The following PRRC2B variants were observed in gnomAD, a reference collection of about 807,000 sequenced individuals.
The protein encoded by PRRC2B is protein PRRC2B.
A neutral mutation model predicts 242.3 loss-of-function variants in PRRC2B; 68 were observed. The observed-to-expected ratio is 0.28, with a 90% CI of 0.23 to 0.34. The LOEUF (loss-of-function observed/expected upper bound fraction) is 0.34. Among genes scored for constraint, PRRC2B ranks in the 10% least tolerant of loss-of-function variants. PRRC2B has a pLI of 1.00. For missense variants in PRRC2B, 2,835 were observed against 2,954.8 expected (o/e 0.96, Z 0.94); for synonymous variants, 1,228 against 1,173.6 (o/e 1.05, Z -0.95).
intron 1 of PRRC2B, among the ~76,000 whole-genome samples, chr9:131,418,485 G>A (rs2131305862): frequency 6.6e-6 from 1 of 152,328 alleles, no homozygotes; most frequent in African/African-American, 2.4e-5. Flanking sequence ...GAGTCTCTGT[G>A]AGGACATAGG....
At chr9:131,405,799 G>A (rs905272226) in intron 1 of PRRC2B, among the ~76,000 whole-genome samples, 2 of 152,168 alleles carry the variant, frequency 1.3e-5, no homozygotes, top group African/African-American at 4.8e-5. Flanking sequence ...TCCTGGTGGA[G>A]AGTAGCTCTC....
At chr9:131,463,111 A>G (rs1943290949) in intron 11 of PRRC2B, among the ~76,000 whole-genome samples, 1 of 152,194 alleles carries the variant, frequency 6.6e-6, no homozygotes, top group Non-Finnish European at 1.5e-5. Flanking sequence ...ATCAATACAC[A>G]GCCGTTAGAA....
rs1417144270 is a variant in PRRC2B at position 131,487,018 on chromosome 9, GC to G, written c.5857-148del. On this transcript the variant is annotated intron_variant, in intron 26 of 31. Coordinates refer to ENST00000683519, the MANE Select transcript of PRRC2B (RefSeq NM_013318.4). This position sits in a 1 kb window ranked among gnomAD's most constrained non-coding sequence, Gnocchi z 5.3. ...TTTCATTATAGGCTTTATCCCAATA[GC>G]AAGGGAAGCCCAGGAATGACATGCT... The G allele has an allele frequency of 2.5e-5, 17 of 686,440 alleles. 1 individual carries two copies. The Admixed American group carries it at 3.1e-4, about 13-fold the overall frequency. The allele number at this position is 686,440 out of a possible 1,614,324, so 42.5% of individuals were successfully genotyped here.
At position 131,497,745 on chromosome 9, in the gene PRRC2B, T is replaced by G. The variant is rs1944369983; in HGVS notation, c.*1871T>G. ...CTGCATCTTTCAGCAGCTCCCCTCCTGCCCTCACCTGGTCTTTTCCCTCTT... is the reference window on the plus strand; with the variant it reads ...CTGCATCTTTCAGCAGCTCCCCTCCGGCCCTCACCTGGTCTTTTCCCTCTT... On this transcript the variant is annotated 3_prime_UTR_variant, in exon 32 of 32. Transcript: ENST00000683519. 1 of 152,322 alleles carries G rather than the reference T, an allele frequency of 6.6e-6. No individual in the cohort carries two copies. The highest frequency in any genetic ancestry group is 2.1e-4 in the South Asian group (1 of 4,830). 9.4% of individuals were successfully genotyped at this position (152,322 alleles called of 1,614,324 possible).
At chr9:131,466,656 GCT>G (rs1055952858) in intron 12 of PRRC2B, among the ~76,000 whole-genome samples, 1 of 150,244 alleles carries the variant, frequency 6.7e-6, no homozygotes, top group Non-Finnish European at 1.5e-5. Context: ...ATGGAGTCTT[GCT>G]CTGTCACCTA....
At position 131,495,846 on chromosome 9, in the gene PRRC2B, C is replaced by T; in HGVS notation, c.6662C>T (p.Ala2221Val). ...CGAACCGGAGCGATCAAGCCTCGGG[C>T]TGTCAAAGTGGAGGAGAGTAAGGCC... ...MKRTGAIKPRAVKVEESKA is the reference protein window; with the variant it reads ...MKRTGAIKPRVVKVEESKA The change falls in exon 32 of 32, where the codon GCT becomes GTT. Residue 2221 changes from alanine to valine, a missense_variant. Around this residue, in one of 7 missense-constraint regions of PRRC2B, gnomAD observed 574 missense variants for 626.0 expected, o/e 0.92. Transcript: ENST00000683519. 2.5e-6 allele frequency: 4 copies of T among 1,610,446 alleles called. No homozygotes were observed. The highest frequency in any genetic ancestry group is 1.1e-5 in the South Asian group (1 of 91,016).
At chr9:131,414,299 T>G (rs528823209) in intron 1 of PRRC2B, among the ~76,000 whole-genome samples, 1 of 148,226 alleles carries the variant, frequency 6.7e-6, no homozygotes, top group South Asian at 2.2e-4. Flanking sequence ...GATAAAACAA[T>G]AAAGCCTCTA....
Position 131,375,044 on chromosome 9 carries a change from C to T in PRRC2B, c.-56+1313C>T, listed in dbSNP as rs377261299. On this transcript the variant is annotated intron_variant, in intron 1 of 1. Coordinates refer to the PRRC2B transcript ENST00000682525. ...GACTACCCAGGTTTGAGTCCTGTCC[C>T]TTCCATACATGTGCTGAGTGACTTC... is the stretch of plus-strand genomic sequence containing the variant. Among the ~76,000 whole-genome samples the T allele has an allele frequency of 3.9e-5, 6 of 152,288 alleles. No individual in the cohort carries two copies. In the South Asian group the frequency reaches 1.2e-3, roughly 32 times the overall value.
intron 1 of PRRC2B, among the ~76,000 whole-genome samples, chr9:131,417,963 C>A (rs1022843307): frequency 1.3e-5 from 2 of 152,200 alleles, no homozygotes; most frequent in Non-Finnish European, 2.9e-5. Context: ...TGGTGAGGCC[C>A]AGAGGTAAGG....
Position 131,470,829 on chromosome 9 carries a change from C to A in PRRC2B, c.1953C>A (p.Pro651=), listed in dbSNP as rs750809244. ...YKMQHWQPVY[P]PPSHPQRTFY... Reference sequence around the variant, plus strand: ...TGCAGCACTGGCAGCCGGTGTACCCCCCGCCGTCCCACCCCCAGCGCACCT... The same window carrying A: ...TGCAGCACTGGCAGCCGGTGTACCCACCGCCGTCCCACCCCCAGCGCACCT... Residue 651 remains proline, a synonymous_variant, in exon 14 of 32, where the codon CCC becomes CCA. Coordinates refer to ENST00000683519, the MANE Select transcript of PRRC2B (RefSeq NM_013318.4). 2 of 1,612,406 alleles carry A rather than the reference C, an allele frequency of 1.2e-6. No homozygotes were observed. Among genetic ancestry groups the A allele is most frequent in the South Asian group, 2.2e-5 (2 of 91,038 alleles).
intron 26 of PRRC2B, chr9:131,486,533 TAGAA>T: frequency 1.0e-6 from 1 of 985,360 alleles, no homozygotes; most frequent in Non-Finnish European, 1.2e-6. Flanking sequence ...ATGGATGCAT[TAGAA>T]AGAGGTAGTC....
intron 19 of PRRC2B, 131 bp from the exon 20 acceptor site, chr9:131,481,595 G>C (rs1448798257): frequency 1.8e-5 from 13 of 709,114 alleles, no homozygotes; most frequent in Non-Finnish European, 3.0e-5. Context: ...AGGGGGCTGG[G>C]GTGGCGGGTG....
At position 131,494,096 on chromosome 9, in the gene PRRC2B, T is replaced by C. The variant is rs1316188072; in HGVS notation, c.6474-309T>C. Among the ~76,000 whole-genome samples, 1 of 152,222 alleles carries C rather than the reference T, an allele frequency of 6.6e-6. No homozygotes were observed. The highest frequency in any genetic ancestry group is 1.5e-5 in the Non-Finnish European group (1 of 68,044). ...CAGACCCTGAGACGGCCAGTGTCGCTTTCTGCACAGCAGGACAGCCATGCC... is the reference window on the plus strand; with the variant it reads ...CAGACCCTGAGACGGCCAGTGTCGCCTTCTGCACAGCAGGACAGCCATGCC... On this transcript the variant is annotated intron_variant, in intron 30 of 31. Transcript: ENST00000683519. This position sits in a 1 kb window ranked among gnomAD's most constrained non-coding sequence, Gnocchi z 4.3.
intron 1 of PRRC2B, among the ~76,000 whole-genome samples, chr9:131,382,660 C>T (rs2131264787): frequency 6.7e-6 from 1 of 150,134 alleles, no homozygotes; most frequent in East Asian, 2.0e-4. Flanking sequence ...TTTTTGGAGA[C>T]AGAGTCTTGC....
chr9:131,395,620 T>TATA (rs1177191160), intron 1 of PRRC2B, among the ~76,000 whole-genome samples: 4 of 152,162 alleles, frequency 2.6e-5, no homozygotes, highest in African/African-American at 9.7e-5. Context: ...CGGTTGTTGG[T>TATA]ATAACTGCTG....
Position 131,475,752 on chromosome 9 carries a change from G to A in PRRC2B, c.3623G>A (p.Arg1208Gln), listed in dbSNP as rs1404858531. Reference sequence around the variant, plus strand: ...GCCTTTGGGCGAGCCCTCCCTCCCCGGCTGAGCAATTGCGGGTATGGACGG... The same window carrying A: ...GCCTTTGGGCGAGCCCTCCCTCCCCAGCTGAGCAATTGCGGGTATGGACGG... ...PRAFGRALPP[R>Q]LSNCGYGRRT... is the part of the protein sequence containing the mutation. The change falls in exon 16 of 32, where the codon CGG becomes CAG. Residue 1208 changes from arginine to glutamine, a missense_variant. By Grantham distance (43) the Arg-to-Gln change is conservative (BLOSUM62 1). Transcript: ENST00000683519. The A allele has an allele frequency of 3.1e-6, 5 of 1,613,436 alleles. No homozygotes were observed. The highest frequency in any genetic ancestry group is 2.5e-6 in the Non-Finnish European group (3 of 1,179,716).
rs1256938429 is a variant in PRRC2B, at chr9:131,482,931, G to C, written c.5373+24G>C. 1.9e-6 allele frequency: 3 copies of C among 1,584,878 alleles called. No homozygotes were observed. In the East Asian group the frequency reaches 6.9e-5, roughly 36 times the overall value. Reference sequence around the variant, plus strand: ...AAGTGAGGCTTTGATTTGTTTTCTTGCTTGCTTTTTTTACTTTTTATTTTG... The same window carrying C: ...AAGTGAGGCTTTGATTTGTTTTCTTCCTTGCTTTTTTTACTTTTTATTTTG... On this transcript the variant is annotated intron_variant, in intron 22 of 31. Coordinates refer to ENST00000683519, the MANE Select transcript of PRRC2B (RefSeq NM_013318.4). The surrounding 1 kb of genome is among the most constrained non-coding windows in gnomAD (Gnocchi z 5.2).
At chr9:131,492,283 G>T in intron 30 of PRRC2B, 23 bp downstream of exon 30, 1 of 1,591,516 alleles carries the variant, frequency 6.3e-7, no homozygotes, top group Non-Finnish European at 8.6e-7. Context: ...CCTGGGGACT[G>T]CGTGCTGTGT....
rs1483001022 is a variant in PRRC2B at position 131,430,126 on chromosome 9, T to C, written c.-19T>C. The C allele has an allele frequency of 3.3e-6, 5 of 1,505,338 alleles. No individual in the cohort carries two copies. The highest frequency in any genetic ancestry group is 4.6e-6 in the Non-Finnish European group (5 of 1,093,572). The allele number at this position is 1,505,338 out of a possible 1,614,324, so 93.2% of individuals were successfully genotyped here. A position where few individuals can be genotyped will look rare whatever the true frequency, so the allele number is the denominator to read the frequency against. ...GCGGTGCCGAGAAAAATTTCCTTACTAGATGACATTTCATCGCAATGTCCG... is the reference window on the plus strand; with the variant it reads ...GCGGTGCCGAGAAAAATTTCCTTACCAGATGACATTTCATCGCAATGTCCG... On this transcript the variant is annotated 5_prime_UTR_variant, in exon 2 of 32. Transcript: ENST00000683519.
Sources: gnomAD v4.1 joint callset for allele counts (sites outside exome capture counted in the v4.1 genomes callset) on GRCh38, gnomAD v4.1.1 for gene constraint, gnomAD v4.1.1 regional missense constraint, Gnocchi (gnomAD v3.1) non-coding constraint, MANE v1.5 for transcripts, NCBI Gene and HGNC (gene_info 2026-07-23, HGNC 2026-07-21) for gene names.